MDGA2: variants seen among roughly 807,000 people sequenced by gnomAD.
MDGA2 encodes the protein MAM domain-containing glycosylphosphatidylinositol anchor protein 2.
MDGA2 carries 40 observed loss-of-function variants against 117.8 expected under a neutral mutation model. The observed-to-expected ratio is 0.34, with a 90% confidence interval of 0.26 to 0.44. The LOEUF (loss-of-function observed/expected upper bound fraction) is 0.44, where lower values mean the gene tolerates loss of function less well. MDGA2 is among the 20% of genes least tolerant of loss of function. The pLI, the probability that MDGA2 is intolerant of heterozygous loss-of-function variation, is 1.00. For missense variants in MDGA2, 1,123 were observed against 1,250.6 expected (o/e 0.90, Z 1.54); for synonymous variants, 452 against 439.0 (o/e 1.03, Z -0.37).
intron 1 of MDGA2, among the ~76,000 whole-genome samples, chr14:47,358,136 T>C (rs546654795): frequency 6.6e-6 from 1 of 152,300 alleles, no homozygotes; most frequent in East Asian, 1.9e-4. Context: ...CCTCTCCTCA[T>C]TAGTATACTA....
At position 47,040,360 on chromosome 14, in the gene MDGA2, C is replaced by A. The variant is rs139253003; in HGVS notation, c.1526-5056G>T. ...TTTCTTTATTTCCCTCTTTTTTTTACTGATTAAACAATATATATAGTGCAT... is the reference window on the plus strand; with the variant it reads ...TTTCTTTATTTCCCTCTTTTTTTTAATGATTAAACAATATATATAGTGCAT... On this transcript the variant is annotated intron_variant, in intron 7 of 16. Transcript: ENST00000399232. Among the ~76,000 whole-genome samples the A allele has an allele frequency of 1.1e-3, 169 of 151,954 alleles. 1 individual carries two copies. Among genetic ancestry groups the A allele is most frequent in the African/African-American group, 3.9e-3 (160 of 41,452 alleles).
At position 46,869,668 on chromosome 14, in the gene MDGA2, T is replaced by G. The variant is rs906404627; in HGVS notation, c.2752+3765A>C. 2.6e-5 allele frequency among the ~76,000 whole-genome samples: 4 copies of G among 151,940 alleles called. No homozygotes were observed. In the East Asian group the frequency reaches 7.7e-4, roughly 29 times the overall value. ...ATTTCTCTCCCCTTGGGTATGGGCT[T>G]GAATTATCAACTCAGTCACATTAAA... On this transcript the variant is annotated intron_variant, in intron 14 of 16. Transcript: ENST00000399232.
chr14:47,261,412 A>T (rs1031651265), intron 2 of MDGA2, among the ~76,000 whole-genome samples: 1 of 152,148 alleles, frequency 6.6e-6, no homozygotes, highest in African/African-American at 2.4e-5. Context: ...TTAACAAGGA[A>T]AAAGGTAATG....
intron 2 of MDGA2, among the ~76,000 whole-genome samples, chr14:47,260,518 T>C (rs1221988285): frequency 6.6e-6 from 1 of 152,086 alleles, no homozygotes; most frequent in East Asian, 1.9e-4. Context: ...ATAATGTACC[T>C]GTTCTCTTCT....
intron 2 of MDGA2, among the ~76,000 whole-genome samples, chr14:47,282,734 A>T (rs1293321735): frequency 6.6e-6 from 1 of 151,482 alleles, no homozygotes; most frequent in East Asian, 1.9e-4. Context: ...AAAAACAGGT[A>T]ATCAGTTCTA....
intron 10 of MDGA2, among the ~76,000 whole-genome samples, chr14:46,890,932 C>T (rs148607868): frequency 6.6e-6 from 1 of 151,892 alleles, no homozygotes; most frequent in African/African-American, 2.4e-5. Flanking sequence ...TATGTAGTTC[C>T]AAAACAACTA....
intron 3 of MDGA2, among the ~76,000 whole-genome samples, chr14:47,186,575 G>A (rs1884919260): frequency 6.6e-6 from 1 of 151,814 alleles, no homozygotes; most frequent in South Asian, 2.1e-4. Flanking sequence ...ATCCTATGAA[G>A]CATATGAGGA....
chr14:46,852,090 G>A (rs1881081931), intron 15 of MDGA2, among the ~76,000 whole-genome samples: 1 of 151,526 alleles, frequency 6.6e-6, no homozygotes, highest in Non-Finnish European at 1.5e-5. Context: ...AAAGAGCGTC[G>A]ATCAAAATGA....
rs528210046 is a variant in MDGA2 at position 47,057,472 on chromosome 14, T to A, written c.1525+3777A>T. 2.5e-4 allele frequency among the ~76,000 whole-genome samples: 38 copies of A among 150,210 alleles called. No individual in the cohort carries two copies. In the East Asian group the frequency reaches 4.1e-3, roughly 16 times the overall value. ...TCTAAAGGAAACACTAATTTTAAAT[T>A]AAAAAAAAAATACTCCCAATGAAAC... On this transcript the variant is annotated intron_variant, in intron 7 of 16. Transcript: ENST00000399232.
intron 3 of MDGA2, among the ~76,000 whole-genome samples, chr14:47,196,559 C>T (rs904534287): frequency 2.0e-5 from 3 of 152,022 alleles, no homozygotes; most frequent in Non-Finnish European, 4.4e-5. Context: ...TGGCATAACC[C>T]TAAAAAGCTA....
chr14:47,406,269 C>G (rs1892258934), intron 1 of MDGA2, among the ~76,000 whole-genome samples: 1 of 152,064 alleles, frequency 6.6e-6, no homozygotes. Flanking sequence ...TAATCACAAA[C>G]TAATCTATGT....
intron 1 of MDGA2, among the ~76,000 whole-genome samples, chr14:47,498,796 G>T (rs779571124): frequency 6.6e-6 from 1 of 152,072 alleles, no homozygotes; most frequent in Non-Finnish European, 1.5e-5. Context: ...AAAGCATATA[G>T]TACTAATGAG....
intron 3 of MDGA2, among the ~76,000 whole-genome samples, chr14:47,144,712 A>C (rs1469859892): frequency 1.3e-5 from 2 of 151,952 alleles, no homozygotes; most frequent in African/African-American, 4.8e-5. Flanking sequence ...CCAGTGGCGC[A>C]ATCAGAGCTT....
chr14:47,339,211 T>C (rs913086047), intron 1 of MDGA2, among the ~76,000 whole-genome samples: 3 of 152,166 alleles, frequency 2.0e-5, no homozygotes, highest in Admixed American at 1.3e-4. Context: ...GGCATTAGTA[T>C]TTAGAAAATG....
intron 3 of MDGA2, among the ~76,000 whole-genome samples, chr14:47,206,977 T>C (rs998451425): frequency 1.3e-5 from 2 of 152,024 alleles, no homozygotes; most frequent in Non-Finnish European, 2.9e-5. Flanking sequence ...TAAAGAAGGA[T>C]GAAGATAAAA....
intron 6 of MDGA2, among the ~76,000 whole-genome samples, chr14:47,063,705 G>A (rs945868171): frequency 6.6e-6 from 1 of 152,084 alleles, no homozygotes; most frequent in East Asian, 1.9e-4. Flanking sequence ...TGTTTTTAAA[G>A]AGAAATTTTA....
At chr14:47,538,308 TA>T (rs1318502926) in intron 1 of MDGA2, among the ~76,000 whole-genome samples, 3 of 152,196 alleles carry the variant, frequency 2.0e-5, no homozygotes, top group Admixed American at 6.5e-5. Context: ...ATTTGTGAAT[TA>T]TTTTTTTTTC....
intron 15 of MDGA2, among the ~76,000 whole-genome samples, chr14:46,847,808 A>T (rs1880900534): frequency 6.6e-6 from 1 of 151,986 alleles, no homozygotes; most frequent in African/African-American, 2.4e-5. Flanking sequence ...AATAATTATT[A>T]TTCATACTTA....
At chr14:47,624,725 A>G (rs1407000634) in intron 1 of MDGA2, among the ~76,000 whole-genome samples, 5 of 152,150 alleles carry the variant, frequency 3.3e-5, no homozygotes, top group East Asian at 3.9e-4. Context: ...GTCAAAACCA[A>G]TTTAGTTCCT....
Sources: allele counts gnomAD v4.1 joint callset (sites outside exome capture counted in the v4.1 genomes callset), GRCh38; gene constraint gnomAD v4.1.1; transcripts MANE v1.5; gene names NCBI Gene and HGNC (gene_info 2026-07-23, HGNC 2026-07-21).